The following TENM2 variants were observed in gnomAD, a reference collection of about 807,000 sequenced individuals.
TENM2 encodes the protein teneurin transmembrane protein 2, also known as teneurin-2.
TENM2 carries 52 observed loss-of-function variants against 245.2 expected under a neutral mutation model. The ratio of observed to expected loss-of-function variants is 0.21; its 90% CI spans 0.17 to 0.27. The LOEUF (loss-of-function observed/expected upper bound fraction) is 0.27, where lower values mean the gene tolerates loss of function less well. TENM2 is among the 10% of genes least tolerant of loss of function. The pLI is 1.00. For missense variants in TENM2, 3,046 were observed against 3,666.8 expected, an observed-to-expected ratio of 0.83 and a Z score of 4.37; for synonymous variants, 1,363 against 1,438.9, an observed-to-expected ratio of 0.95 and a Z score of 1.19.
chr5:167,192,158 A>C, the TENM2 span, among the ~76,000 whole-genome samples: 2 of 152,094 alleles, frequency 1.3e-5, no homozygotes, highest in East Asian at 3.9e-4. Flanking sequence ...GGCAGAACCC[A>C]TACAACCTTG....
chr5:167,690,207 C>G (rs1002373032), intron 2 of TENM2, among the ~76,000 whole-genome samples: 2 of 146,842 alleles, frequency 1.4e-5, no homozygotes, highest in African/African-American at 2.5e-5. Flanking sequence ...TCCTACATGT[C>G]AAGCCATTAT....
chr5:167,216,815 T>C, the TENM2 span, among the ~76,000 whole-genome samples: 1 of 152,110 alleles, frequency 6.6e-6, no homozygotes, highest in East Asian at 2.0e-4. Flanking sequence ...TAGTCCCAGC[T>C]ACTTGAGAGG....
intron 25 of TENM2, among the ~76,000 whole-genome samples, chr5:168,230,563 G>A (rs1195381789): frequency 1.3e-5 from 2 of 152,168 alleles, no homozygotes; most frequent in Non-Finnish European, 2.9e-5. Context: ...CCCCTAAGCC[G>A]AAGGTACCCA....
chr5:167,634,637 T>C (rs1423745827), intron 2 of TENM2, among the ~76,000 whole-genome samples: 1 of 152,078 alleles, frequency 6.6e-6, no homozygotes, highest in African/African-American at 2.4e-5. Flanking sequence ...TAAAGAAAAT[T>C]GATGGCTCTG....
rs923357908 is a variant in TENM2 at position 167,344,282 on chromosome 5, G to A, written c.227-30916G>A. 1.2e-4 allele frequency among the ~76,000 whole-genome samples: 16 copies of A among 134,524 alleles called. No homozygotes were observed. In the East Asian group the frequency reaches 1.3e-3, roughly 11 times the overall value. 88.3% of individuals were successfully genotyped at this position (134,524 alleles called of 152,430 possible). On this transcript the variant is annotated intron_variant, in intron 1 of 28. Transcript: ENST00000518659. The stretch of plus-strand genomic sequence containing the variant: ...AATACACAAACACATGCACGTGCAC[G>A]CACACACACACACACACACACACAC...
At chr5:168,209,975 A>G (rs1054975552) in intron 19 of TENM2, among the ~76,000 whole-genome samples, 1 of 152,168 alleles carries the variant, frequency 6.6e-6, no homozygotes, top group African/African-American at 2.4e-5. Context: ...GAGACCCTGC[A>G]GTGTGAAGAA....
chr5:167,306,821 A>G (rs1042434945), intron 1 of TENM2, among the ~76,000 whole-genome samples: 3 of 152,196 alleles, frequency 2.0e-5, no homozygotes. Context: ...TTGTAGCAAT[A>G]ATGTTAATAA....
intron 2 of TENM2, among the ~76,000 whole-genome samples, chr5:167,832,523 A>G (rs975587485): frequency 1.3e-5 from 2 of 152,232 alleles, no homozygotes; most frequent in African/African-American, 4.8e-5. Flanking sequence ...AAACTGCACG[A>G]TGTTTATGTA....
chr5:167,604,494 C>A (rs946525199), intron 2 of TENM2, among the ~76,000 whole-genome samples: 26 of 152,130 alleles, frequency 1.7e-4, no homozygotes, highest in African/African-American at 6.3e-4. Context: ...CACCGTTAAT[C>A]TTTTGGGGTA....
intron 13 of TENM2, among the ~76,000 whole-genome samples, chr5:168,171,670 A>T (rs1758839011): frequency 6.6e-6 from 1 of 152,236 alleles, no homozygotes; most frequent in Non-Finnish European, 1.5e-5. Context: ...TTAAATGGTT[A>T]TTAAGTGTCT....
chr5:167,380,280 TAAC>T (rs879741535), intron 2 of TENM2, among the ~76,000 whole-genome samples: 9 of 152,126 alleles, frequency 5.9e-5, no homozygotes, highest in Non-Finnish European at 1.2e-4. Context: ...CAGCTGATAA[TAAC>T]ATACAACCAG....
At chr5:167,768,332 G>C (rs759339464) in intron 2 of TENM2, among the ~76,000 whole-genome samples, 17 of 152,096 alleles carry the variant, frequency 1.1e-4, no homozygotes, top group African/African-American at 3.9e-4. Context: ...ATGTTGGTAA[G>C]GTTTATTTTT....
chr5:168,164,840 T>C (rs1457484155), intron 13 of TENM2, among the ~76,000 whole-genome samples: 1 of 152,162 alleles, frequency 6.6e-6, no homozygotes. Flanking sequence ...TTAACAAAAA[T>C]GTATTTAGTG....
At chr5:167,268,617 G>A in the TENM2 span, among the ~76,000 whole-genome samples, 1 of 152,068 alleles carries the variant, frequency 6.6e-6, no homozygotes, top group East Asian at 1.9e-4. Flanking sequence ...TAATAGCAGA[G>A]GTTAGCATAC....
Position 167,348,077 on chromosome 5 carries a change from C to T in TENM2, c.227-27121C>T, listed in dbSNP as rs573614320. Among the ~76,000 whole-genome samples the T allele has an allele frequency of 5.3e-5, 8 of 152,230 alleles. No homozygotes were observed. In the South Asian group the frequency reaches 1.7e-3, roughly 32 times the overall value. ...ATGCCTTTTAAACTGGACTAGACGGCGTGTTGTTCGGGAACATCTCTATTA... is the reference window on the plus strand; with the variant it reads ...ATGCCTTTTAAACTGGACTAGACGGTGTGTTGTTCGGGAACATCTCTATTA... On this transcript the variant is annotated intron_variant, in intron 1 of 28. Coordinates refer to ENST00000518659, the Ensembl canonical transcript of TENM2.
chr5:168,140,754 CT>C (rs887620980), intron 12 of TENM2, among the ~76,000 whole-genome samples: 1 of 152,204 alleles, frequency 6.6e-6, no homozygotes, highest in Non-Finnish European at 1.5e-5. Flanking sequence ...ATTTGTGCTG[CT>C]TGGGAACCCT....
At chr5:167,756,935 A>T (rs1762346718) in intron 2 of TENM2, among the ~76,000 whole-genome samples, 2 of 152,018 alleles carry the variant, frequency 1.3e-5, no homozygotes, top group South Asian at 4.2e-4. Flanking sequence ...TGGGTTTTAA[A>T]TTGCCCTGAC....
the TENM2 span, among the ~76,000 whole-genome samples, chr5:167,101,924 TTA>T: frequency 3.8e-5 from 4 of 106,074 alleles, 1 homozygote; most frequent in African/African-American, 1.2e-4. Flanking sequence ...ATATATACAA[TTA>T]TATATATATA....
chr5:168,143,001 A>C (rs1161385198), intron 12 of TENM2, among the ~76,000 whole-genome samples: 11 of 152,224 alleles, frequency 7.2e-5, no homozygotes, highest in African/African-American at 2.7e-4. Flanking sequence ...AGGGAATTAC[A>C]TGAATCCACT....
Sources: allele counts gnomAD v4.1 joint callset (sites outside exome capture counted in the v4.1 genomes callset), GRCh38; gene constraint gnomAD v4.1.1; transcripts MANE v1.5; gene names NCBI Gene and HGNC (gene_info 2026-07-23, HGNC 2026-07-21).